Variants in NT5C2 observed in about 807,000 individuals in gnomAD.
The protein encoded by NT5C2 is cytosolic purine 5'-nucleotidase.
NT5C2 carries 58 observed loss-of-function variants against 76.1 expected under a neutral mutation model. That is an observed-to-expected ratio of 0.76 (90% CI 0.62 to 0.95). The LOEUF (loss-of-function observed/expected upper bound fraction) is 0.95, where lower values mean the gene tolerates loss of function less well. Ranked by LOEUF, NT5C2 falls within the 40% of genes least tolerant of loss-of-function variation. NT5C2 has a pLI of 0.00. For missense variants in NT5C2, 478 were observed against 690.3 expected (o/e 0.69, Z 3.45); for synonymous variants, 229 against 237.4 (o/e 0.96, Z 0.32).
At chr10:103,130,713 A>G (rs1431094665) in intron 4 of NT5C2, among the ~76,000 whole-genome samples, 2 of 151,914 alleles carry the variant, frequency 1.3e-5, no homozygotes, top group East Asian at 1.9e-4. Context: ...GTGACATCAA[A>G]GTTTTAAATA....
At chr10:103,159,358 T>C (rs2084243797) in intron 3 of NT5C2, among the ~76,000 whole-genome samples, 1 of 151,950 alleles carries the variant, frequency 6.6e-6, no homozygotes, top group Non-Finnish European at 1.5e-5. Flanking sequence ...AAAAACCAGT[T>C]GTGTTTCCAT....
chr10:103,103,347 T>C (rs932476833), intron 6 of NT5C2, among the ~76,000 whole-genome samples: 10 of 152,326 alleles, frequency 6.6e-5, no homozygotes, highest in African/African-American at 2.4e-4. Context: ...CTTTCCAAGA[T>C]TTTCTTTAAT....
chr10:103,112,408 GA>G (rs772052045), intron 4 of NT5C2, among the ~76,000 whole-genome samples: 33 of 152,262 alleles, frequency 2.2e-4, no homozygotes, highest in Non-Finnish European at 4.3e-4. Context: ...GGAATGGAAG[GA>G]AATTTTTAAA....
chr10:103,106,086 C>T (rs972632629), intron 5 of NT5C2, among the ~76,000 whole-genome samples: 1 of 152,122 alleles, frequency 6.6e-6, no homozygotes, highest in African/African-American at 2.4e-5. Context: ...CAGCTGGTAC[C>T]ATTCTAAAAC....
chr10:103,129,314 C>T (rs1426531043), intron 4 of NT5C2, among the ~76,000 whole-genome samples: 1 of 122,250 alleles, frequency 8.2e-6, no homozygotes, highest in Non-Finnish European at 1.8e-5. Context: ...GGTCAGCCCC[C>T]CGCCCGGCCA....
intron 3 of NT5C2, among the ~76,000 whole-genome samples, chr10:103,139,926 T>C (rs2080075539): frequency 6.6e-6 from 1 of 152,168 alleles, no homozygotes; most frequent in Non-Finnish European, 1.5e-5. Context: ...CACTGTTTTG[T>C]TTTTGTTTTT....
intron 4 of NT5C2, among the ~76,000 whole-genome samples, chr10:103,130,255 C>T (rs1319357094): frequency 6.6e-6 from 1 of 151,542 alleles, no homozygotes; most frequent in African/African-American, 2.4e-5. Context: ...GTGACCTTAC[C>T]CCCAACCCTG....
rs1308429585 is a variant in NT5C2, at chr10:103,125,406, A to G, written c.175+14000T>C. On this transcript the variant is annotated intron_variant, in intron 4 of 18. Coordinates refer to ENST00000404739, the MANE Select transcript of NT5C2 (RefSeq NM_001351169.2). The stretch of plus-strand genomic sequence containing the variant: ...CTTGAGGGCATCAGCCAAGTCGTTC[A>G]TGTGCACCATTGTGGTGGCGTGGAA... The G allele has an allele frequency of 3.9e-5, 11 of 284,264 alleles. No individual in the cohort carries two copies. The East Asian group carries it at 5.7e-4, about 15-fold the overall frequency. 17.6% of individuals were successfully genotyped at this position (284,264 alleles called of 1,614,324 possible). A position where few individuals can be genotyped will look rare whatever the true frequency, so the allele number is the denominator to read the frequency against.
At chr10:103,120,636 A>G (rs1435766703) in intron 4 of NT5C2, among the ~76,000 whole-genome samples, 1 of 152,248 alleles carries the variant, frequency 6.6e-6, no homozygotes, top group Non-Finnish European at 1.5e-5. Context: ...AAACCTGAAA[A>G]TAAGTATTGC....
chr10:103,169,822 A>T (rs923917737), intron 3 of NT5C2, among the ~76,000 whole-genome samples: 4 of 151,920 alleles, frequency 2.6e-5, no homozygotes, highest in African/African-American at 9.7e-5. Context: ...CTCTAGAAAA[A>T]AATTTTTTAA....
chr10:103,182,103 G>A (rs1354389461), intron 1 of NT5C2, among the ~76,000 whole-genome samples: 1 of 152,034 alleles, frequency 6.6e-6, no homozygotes, highest in East Asian at 1.9e-4. Context: ...TTATACATTG[G>A]CAAACGCTCT....
chr10:103,106,497 T>C (rs1234171613), intron 5 of NT5C2, 92 bp downstream of exon 5: 1 of 810,306 alleles, frequency 1.2e-6, no homozygotes, highest in East Asian at 2.5e-5. Flanking sequence ...TGGGGGGTTT[T>C]TTTGTTAAGG....
At chr10:103,159,771 A>G (rs2084354740) in intron 3 of NT5C2, among the ~76,000 whole-genome samples, 1 of 152,232 alleles carries the variant, frequency 6.6e-6, no homozygotes, top group African/African-American at 2.4e-5. Context: ...ATCTAAATAA[A>G]TGGAAAGACA....
chr10:103,185,225 C>T (rs148879431), intron 1 of NT5C2, among the ~76,000 whole-genome samples: 5 of 152,156 alleles, frequency 3.3e-5, no homozygotes, highest in East Asian at 1.9e-4. Context: ...TTCTTCAAAA[C>T]GTTGCCATAA....
chr10:103,126,952 C>T (rs1335976813), intron 4 of NT5C2, among the ~76,000 whole-genome samples: 2 of 152,120 alleles, frequency 1.3e-5, no homozygotes, highest in Non-Finnish European at 2.9e-5. Context: ...GCTGGAACTA[C>T]ACATACCATC....
At position 103,099,066 on chromosome 10, in the gene NT5C2, TA is replaced by T. The variant is rs1223250170; in HGVS notation, c.634-83del. On this transcript the variant is annotated intron_variant, in intron 9 of 18. Transcript: ENST00000404739. ...AGTTTATAAGAAAAATGGTTTTTACTAATCAACCCAAATCCTTTCTTTTTTT... is the reference window on the plus strand; with the variant it reads ...AGTTTATAAGAAAAATGGTTTTTACTATCAACCCAAATCCTTTCTTTTTTT... The T allele has an allele frequency of 1.3e-5, 14 of 1,080,382 alleles. No individual in the cohort carries two copies. In the East Asian group the frequency reaches 3.3e-4, roughly 26 times the overall value. 66.9% of individuals were successfully genotyped at this position (1,080,382 alleles called of 1,614,324 possible).
chr10:103,188,248 C>T (rs1191374577), intron 1 of NT5C2, among the ~76,000 whole-genome samples: 1 of 152,120 alleles, frequency 6.6e-6, no homozygotes, highest in Non-Finnish European at 1.5e-5. Flanking sequence ...ATCCCAGCTA[C>T]TCGGGAGGCT....
intron 4 of NT5C2, among the ~76,000 whole-genome samples, chr10:103,108,651 T>G (rs1262649803): frequency 6.6e-6 from 1 of 152,218 alleles, no homozygotes; most frequent in Admixed American, 6.5e-5. Context: ...TTTTTAAAAT[T>G]AAACTGAAGT....
chr10:103,096,651 C>A (rs1222685647), intron 11 of NT5C2, among the ~76,000 whole-genome samples: 1 of 151,876 alleles, frequency 6.6e-6, no homozygotes, highest in Middle Eastern at 3.2e-3. Flanking sequence ...CAAGACCAGC[C>A]TGTCCAAGAT....
Sources: gnomAD v4.1 joint callset for allele counts (sites outside exome capture counted in the v4.1 genomes callset) on GRCh38, gnomAD v4.1.1 for gene constraint, MANE v1.5 for transcripts, NCBI Gene and HGNC (gene_info 2026-07-23, HGNC 2026-07-21) for gene names.